Variants in SCARA5 observed in about 807,000 individuals in gnomAD.
SCARA5 encodes the protein scavenger receptor class A member 5, also known as scavenger receptor class A, member 5 (putative).
Under a neutral mutation model 46.3 loss-of-function variants are expected in SCARA5, and 45 were observed. The observed-to-expected ratio is 0.97, with a 90% CI of 0.76 to 1.24. The LOEUF is 1.24. Among genes scored for constraint, SCARA5 ranks in the 50% most tolerant of loss-of-function variants. The probability of loss-of-function intolerance (pLI) is 0.00; values close to 1 mark genes in which losing one functional copy is unlikely to be tolerated. For synonymous variants in SCARA5, 333 were observed against 306.5 expected, an observed-to-expected ratio of 1.09 and a Z score of -0.90; for missense variants, 680 against 689.0, an observed-to-expected ratio of 0.99 and a Z score of 0.15.
At chr8:27,916,866 G>A (rs1242782287) in intron 4 of SCARA5, among the ~76,000 whole-genome samples, 1 of 152,122 alleles carries the variant, frequency 6.6e-6, no homozygotes, top group African/African-American at 2.4e-5. Context: ...TTCATATGTT[G>A]CAACCTAATC....
chr8:27,921,496 C>T, intron 4 of SCARA5, 75 bp downstream of exon 4: 2 of 1,333,778 alleles, frequency 1.5e-6, no homozygotes, highest in African/African-American at 3.0e-5. Context: ...CTCCTGGGTC[C>T]TTGGGGAGGG....
intron 6 of SCARA5, among the ~76,000 whole-genome samples, chr8:27,905,109 G>T (rs193232347): frequency 6.8e-4 from 103 of 152,196 alleles, no homozygotes; most frequent in Non-Finnish European, 1.4e-3. Flanking sequence ...ACAAGTCAAA[G>T]ATAGTCCTAT....
At chr8:27,908,647 A>T (rs907540542) in intron 5 of SCARA5, among the ~76,000 whole-genome samples, 1 of 152,168 alleles carries the variant, frequency 6.6e-6, no homozygotes, top group Non-Finnish European at 1.5e-5. Context: ...CTAATACAAC[A>T]TATCTGTTCC....
At chr8:27,956,505 A>G (rs1808209799) in intron 3 of SCARA5, among the ~76,000 whole-genome samples, 1 of 152,312 alleles carries the variant, frequency 6.6e-6, no homozygotes, top group South Asian at 2.1e-4. Context: ...CACTTCATGT[A>G]TTATCTCACT....
rs773336012 is a variant in SCARA5 at position 27,871,966 on chromosome 8, CG to C, written c.1455del (p.Glu486LysfsTer5). On this transcript the variant is annotated frameshift_variant, in exon 9 of 9. Coordinates refer to ENST00000354914, the MANE Select transcript of SCARA5 (RefSeq NM_173833.6). LOFTEE classifies it high-confidence loss of function. ...SKWGVTNCGH[A>X]EDASVTCNRH The stretch of plus-strand genomic sequence containing the variant: ...CTGTTGCATGTCACGCTGGCATCTT[CG>C]GCATGTCCACAGTTTGTCACCCCCC... The C allele has an allele frequency of 6.2e-7, 1 of 1,614,230 alleles. No homozygotes were observed. The highest frequency in any genetic ancestry group is 1.1e-5 in the South Asian group (1 of 91,086).
intron 7 of SCARA5, among the ~76,000 whole-genome samples, chr8:27,900,522 T>C (rs1807134212): frequency 6.6e-6 from 1 of 152,230 alleles, no homozygotes; most frequent in Non-Finnish European, 1.5e-5. Flanking sequence ...CTCTAAGCCA[T>C]GAATGATAAC....
chr8:27,872,880 G>A (rs1806662532), intron 8 of SCARA5, among the ~76,000 whole-genome samples: 1 of 152,176 alleles, frequency 6.6e-6, no homozygotes, highest in Non-Finnish European at 1.5e-5. Context: ...GGGGGTTCTT[G>A]TTCACATCCA....
chr8:27,885,430 T>C (rs1806879325), intron 7 of SCARA5, among the ~76,000 whole-genome samples: 1 of 152,182 alleles, frequency 6.6e-6, no homozygotes. Context: ...GCTATTGCTA[T>C]TTACTCTCTT....
Position 27,922,090 on chromosome 8 carries a change from G to A in SCARA5, c.397C>T (p.Gln133Ter). ...GCCAGCAACGAGTCTGACTGGTTCTGCAGCGCGTCCTGCACCTTCCACACC... is the reference window on the plus strand; with the variant it reads ...GCCAGCAACGAGTCTGACTGGTTCTACAGCGCGTCCTGCACCTTCCACACC... ...EQVWKVQDAL[Q>*]NQSDSLLALA... Residue 133 changes from glutamine (Q) to a stop codon, truncating the protein, a stop_gained, in exon 4 of 9, where the codon CAG becomes TAG. Coordinates refer to ENST00000354914, the MANE Select transcript of SCARA5 (RefSeq NM_173833.6). LOFTEE classifies it high-confidence loss of function. The A allele has an allele frequency of 1.2e-6, 2 of 1,601,386 alleles. No homozygotes were observed. The highest frequency in any genetic ancestry group is 2.3e-5 in the East Asian group (1 of 44,294).
At chr8:27,897,091 C>A (rs200984380) in intron 7 of SCARA5, among the ~76,000 whole-genome samples, 7 of 148,242 alleles carry the variant, frequency 4.7e-5, no homozygotes, top group Admixed American at 6.7e-5. Flanking sequence ...GACTCGGTCT[C>A]AAAAAAAAAA....
intron 1 of SCARA5, among the ~76,000 whole-genome samples, chr8:27,991,742 A>G (rs1365916178): frequency 6.6e-6 from 1 of 152,216 alleles, no homozygotes; most frequent in Non-Finnish European, 1.5e-5. Flanking sequence ...AACTGTACTT[A>G]GTTAAGCTAA....
chr8:27,922,072 A>G lies in SCARA5; in HGVS notation c.415T>C (p.Leu139=). 1.3e-6 allele frequency: 2 copies of G among 1,595,768 alleles called. No individual in the cohort carries two copies. Among genetic ancestry groups the G allele is most frequent in the Non-Finnish European group, 1.7e-6 (2 of 1,173,484 alleles). ...TGCACTGCGCCCGCCAGCGCCAGCA[A>G]CGAGTCTGACTGGTTCTGCAGCGCG... is the stretch of plus-strand genomic sequence containing the variant. The part of the protein sequence containing the change: ...QDALQNQSDS[L]LALAGAVQRL... The change falls in exon 4 of 9, where the codon TTG becomes CTG. Residue 139 remains leucine (L), a synonymous_variant. Transcript: ENST00000354914.
At chr8:27,934,864 A>G (rs1360823733) in intron 3 of SCARA5, among the ~76,000 whole-genome samples, 3 of 152,270 alleles carry the variant, frequency 2.0e-5, no homozygotes, top group African/African-American at 7.2e-5. Flanking sequence ...GCCAATGGCT[A>G]AAGTCTGCAA....
chr8:27,977,849 G>C (rs1808550095), intron 2 of SCARA5, among the ~76,000 whole-genome samples: 1 of 152,236 alleles, frequency 6.6e-6, no homozygotes, highest in Non-Finnish European at 1.5e-5. Context: ...GGCCCAAGCA[G>C]GGATGGGCTC....
chr8:27,893,390 T>C (rs775683801), intron 7 of SCARA5, among the ~76,000 whole-genome samples: 2 of 152,190 alleles, frequency 1.3e-5, no homozygotes, highest in Non-Finnish European at 2.9e-5. Flanking sequence ...GTGCAGACCT[T>C]AGAAATCTAC....
intron 2 of SCARA5, among the ~76,000 whole-genome samples, chr8:27,974,035 A>G (rs1184316104): frequency 6.6e-6 from 1 of 152,180 alleles, no homozygotes; most frequent in Non-Finnish European, 1.5e-5. Flanking sequence ...GAAAGTTTAT[A>G]TAAAAACAAC....
intron 3 of SCARA5, among the ~76,000 whole-genome samples, chr8:27,934,782 T>A (rs1807828985): frequency 6.6e-6 from 1 of 152,202 alleles, no homozygotes; most frequent in African/African-American, 2.4e-5. Context: ...TCACTTATAC[T>A]CCTCTGGCCT....
chr8:27,980,715 G>T (rs58071164), intron 2 of SCARA5, among the ~76,000 whole-genome samples: 4 of 152,170 alleles, frequency 2.6e-5, no homozygotes, highest in African/African-American at 9.7e-5. Context: ...TGGGAGCAAA[G>T]TGCCTCCAAT....
At position 27,879,739 on chromosome 8, in the gene SCARA5, C is replaced by A. The variant is rs746395765; in HGVS notation, c.1181G>T (p.Arg394Leu). The change falls in exon 8 of 9, where the codon CGC becomes CTC. Residue 394 changes from arginine (R) to leucine (L), a missense_variant. Around this residue, in one of 3 missense-constraint regions of SCARA5, gnomAD observed 219 missense variants for 269.5 expected, o/e 0.81. Coordinates refer to ENST00000354914, the MANE Select transcript of SCARA5 (RefSeq NM_173833.6). Reference sequence around the variant, plus strand: ...GTGCGGACCTGAGCCATTCACCAGGCGGATCATCATCGGGGCCTCCACGCC... The same window carrying A: ...GTGCGGACCTGAGCCATTCACCAGGAGGATCATCATCGGGGCCTCCACGCC... ...ASGVEAPMMI[R>L]LVNGSGPHEG... is the part of the protein sequence containing the mutation. 8 of 1,612,926 alleles carry A rather than the reference C, an allele frequency of 5.0e-6. No individual in the cohort carries two copies. Among genetic ancestry groups the A allele is most frequent in the Non-Finnish European group, 5.9e-6 (7 of 1,180,006 alleles).
Sources: allele counts gnomAD v4.1 joint callset (sites outside exome capture counted in the v4.1 genomes callset), GRCh38; gene constraint gnomAD v4.1.1; regional missense constraint gnomAD v4.1.1; transcripts MANE v1.5; gene names NCBI Gene and HGNC (gene_info 2026-07-23, HGNC 2026-07-21).